Variants in EYS observed in about 807,000 individuals in gnomAD.
EYS encodes the protein EGF-like photoreceptor maintenance factor.
Under a neutral mutation model 282.1 loss-of-function variants are expected in EYS, and 250 were observed. That is an observed-to-expected ratio of 0.89 (90% CI 0.80 to 0.98). EYS has a LOEUF of 0.98. Ranked by LOEUF, EYS falls within the 50% of genes least tolerant of loss-of-function variation. The pLI, the probability that EYS is intolerant of heterozygous loss-of-function variation, is 0.00. For missense variants in EYS, 4,016 were observed against 3,709.0 expected, an observed-to-expected ratio of 1.08 and a Z score of -2.15; for synonymous variants, 1,355 against 1,282.9, an observed-to-expected ratio of 1.06 and a Z score of -1.20.
intron 22 of EYS, among the ~76,000 whole-genome samples, chr6:64,681,319 C>G (rs1019594913): frequency 1.3e-5 from 2 of 152,020 alleles, no homozygotes; most frequent in African/African-American, 4.8e-5. Flanking sequence ...AATTTCTGGT[C>G]CCCCGTGCCC....
chr6:64,081,824 G>A, intron 32 of EYS, 32 bp downstream of exon 32: 1 of 1,415,450 alleles, frequency 7.1e-7, no homozygotes, highest in Non-Finnish European at 9.5e-7. Flanking sequence ...AAAGAAACAT[G>A]ACATACAAGA....
At chr6:63,931,205 A>G (rs1444569818) in intron 35 of EYS, among the ~76,000 whole-genome samples, 1 of 152,122 alleles carries the variant, frequency 6.6e-6, no homozygotes, top group Non-Finnish European at 1.5e-5. Context: ...AGGTGGCTTA[A>G]TGAGCCACCC....
intron 31 of EYS, among the ~76,000 whole-genome samples, chr6:64,209,275 A>G (rs575173449): frequency 7.9e-5 from 12 of 152,268 alleles, no homozygotes; most frequent in African/African-American, 2.9e-4. Context: ...TAATTATGCT[A>G]TATGAATAGC....
chr6:64,354,580 T>A (rs1315900828), intron 29 of EYS, among the ~76,000 whole-genome samples: 1 of 151,584 alleles, frequency 6.6e-6, no homozygotes, highest in Non-Finnish European at 1.5e-5. Flanking sequence ...TTTCTCATTT[T>A]CATGTGGTAT....
intron 2 of EYS, among the ~76,000 whole-genome samples, chr6:65,601,248 T>C (rs539848707): frequency 5.1e-4 from 78 of 152,038 alleles, no homozygotes; most frequent in African/African-American, 1.8e-3. Flanking sequence ...TTTAATTCCA[T>C]AGGAACATAC....
At chr6:64,068,587 C>A (rs1274482567) in intron 32 of EYS, among the ~76,000 whole-genome samples, 1 of 151,894 alleles carries the variant, frequency 6.6e-6, no homozygotes, top group African/African-American at 2.4e-5. Context: ...TGCAGCACAC[C>A]ATCGCACATG....
chr6:64,717,037 G>A (rs764732895), intron 22 of EYS, among the ~76,000 whole-genome samples: 3 of 152,122 alleles, frequency 2.0e-5, no homozygotes, highest in Non-Finnish European at 4.4e-5. Context: ...CCTTTTCAAA[G>A]TTTTCCAGTA....
At chr6:64,697,954 A>C (rs1034996700) in intron 22 of EYS, among the ~76,000 whole-genome samples, 1 of 140,662 alleles carries the variant, frequency 7.1e-6, no homozygotes, top group African/African-American at 3.2e-5. Flanking sequence ...ACAAACAAAC[A>C]AAAAAAAGCA....
At chr6:64,484,709 G>A (rs1776531705) in intron 26 of EYS, among the ~76,000 whole-genome samples, 2 of 151,620 alleles carry the variant, frequency 1.3e-5, no homozygotes, top group African/African-American at 4.8e-5. Context: ...GACCAAGGCA[G>A]TGTTATATTA....
At chr6:64,527,011 T>C (rs1777942761) in intron 26 of EYS, among the ~76,000 whole-genome samples, 1 of 151,772 alleles carries the variant, frequency 6.6e-6, no homozygotes, top group Admixed American at 6.6e-5. Context: ...TGGATCATAG[T>C]TTTAGAATAT....
At chr6:64,206,834 T>G (rs898639422) in intron 31 of EYS, among the ~76,000 whole-genome samples, 26 of 152,336 alleles carry the variant, frequency 1.7e-4, no homozygotes, top group African/African-American at 6.0e-4. Flanking sequence ...ATGTTAATTT[T>G]TTTTAAGTTC....
chr6:65,688,280 A>G (rs930586858), intron 1 of EYS, among the ~76,000 whole-genome samples: 5 of 152,190 alleles, frequency 3.3e-5, no homozygotes, highest in Admixed American at 1.3e-4. Flanking sequence ...ATAATGCTGC[A>G]TATCTACAAC....
At chr6:64,062,520 C>T (rs1162742646) in intron 33 of EYS, among the ~76,000 whole-genome samples, 1 of 151,846 alleles carries the variant, frequency 6.6e-6, no homozygotes, top group Non-Finnish European at 1.5e-5. Context: ...GGCAAAACCC[C>T]CTCTCTACTA....
In EYS at chr6:64,390,968, G is replaced by A. The variant is rs565945276; in HGVS notation, c.5928-2128C>T. 8.2e-3 allele frequency among the ~76,000 whole-genome samples: 1,247 copies of A among 152,030 alleles called. 12 individuals carry two copies. Among genetic ancestry groups the A allele is most frequent in the African/African-American group, 0.029 (1,185 of 41,432 alleles). On this transcript the variant is annotated intron_variant, in intron 28 of 42. Transcript: ENST00000503581. ...CTGAAAACCAAGGCTCGAGAACTAC[G>A]TGAAGAATGCAGAAGCCTCAGGAGC... is the stretch of plus-strand genomic sequence containing the variant.
chr6:64,236,038 C>T (rs911103899), intron 30 of EYS, among the ~76,000 whole-genome samples: 14 of 152,166 alleles, frequency 9.2e-5, no homozygotes, highest in Non-Finnish European at 1.9e-4. Flanking sequence ...AATTTTAGAC[C>T]AATATCCTTG....
chr6:64,990,602 T>C lies in EYS; in HGVS notation c.2259+6980A>G, dbSNP rs143546395. On this transcript the variant is annotated intron_variant, in intron 14 of 42. Coordinates refer to ENST00000503581, the MANE Select transcript of EYS (RefSeq NM_001142800.2). ...AAATCATTTTTTAAGCTAGATAATT[T>C]CTGGAAAGTGCTGACTTTTGTTAGA... Among the ~76,000 whole-genome samples the C allele has an allele frequency of 2.4e-3, 370 of 151,768 alleles. 2 individuals are homozygous for C. Among genetic ancestry groups the C allele is most frequent in the African/African-American group, 8.4e-3 (349 of 41,514 alleles).
chr6:65,688,094 T>C (rs1769097290), intron 1 of EYS, among the ~76,000 whole-genome samples: 1 of 152,124 alleles, frequency 6.6e-6, no homozygotes, highest in Non-Finnish European at 1.5e-5. Context: ...TTAAAGTTCA[T>C]ATGGAACCAA....
intron 36 of EYS, among the ~76,000 whole-genome samples, chr6:63,835,279 ACT>A (rs1390596338): frequency 2.7e-5 from 4 of 150,832 alleles, no homozygotes; most frequent in Non-Finnish European, 5.9e-5. Flanking sequence ...ATACATATAT[ACT>A]CTCTATATAC....
Position 64,388,824 on chromosome 6 carries a change from A to G in EYS, c.5944T>C (p.Cys1982Arg), listed in dbSNP as rs377025352. 7 of 1,521,878 alleles carry G rather than the reference A, an allele frequency of 4.6e-6. No homozygotes were observed. The highest frequency in any genetic ancestry group is 1.3e-5 in the South Asian group (1 of 76,660). The allele number at this position is 1,521,878 out of a possible 1,614,324, so 94.3% of individuals were successfully genotyped here. ...CCTAAAATAGTCAGCTCAGCGTTAC[A>G]TGGATCCAATTCTTGCCTGTAACCA... ...TLLIRQELDP[C>R]NAELTILGRN... The change falls in exon 29 of 43, where the codon TGT becomes CGT. Residue 1982 changes from cysteine (C) to arginine (R), a missense_variant. Coordinates refer to ENST00000503581, the MANE Select transcript of EYS (RefSeq NM_001142800.2).
Sources: gnomAD v4.1 joint callset for allele counts (sites outside exome capture counted in the v4.1 genomes callset) on GRCh38, gnomAD v4.1.1 for gene constraint, MANE v1.5 for transcripts, NCBI Gene and HGNC (gene_info 2026-07-23, HGNC 2026-07-21) for gene names.